CCNYL1: variants seen among roughly 807,000 people sequenced by gnomAD.
CCNYL1 encodes the protein cyclin-Y-like protein 1.
In CCNYL1, 16 loss-of-function variants were observed where a neutral mutation model predicts 44.2. The observed-to-expected ratio is 0.36, with a 90% confidence interval of 0.25 to 0.55. The LOEUF (loss-of-function observed/expected upper bound fraction) is 0.55. CCNYL1 is among the 20% of genes least tolerant of loss of function. The probability of loss-of-function intolerance (pLI) is 0.85; values close to 1 mark genes in which losing one functional copy is unlikely to be tolerated. For synonymous variants in CCNYL1, 159 were observed against 163.2 expected (o/e 0.97, Z 0.20); for missense variants, 348 against 451.8 (o/e 0.77, Z 2.08).
At chr2:207,749,807 C>T (rs1446542009) in intron 8 of CCNYL1, among the ~76,000 whole-genome samples, 1 of 152,210 alleles carries the variant, frequency 6.6e-6, no homozygotes, top group Non-Finnish European at 1.5e-5. Context: ...GAGAAAACCA[C>T]ATCTCTGCTC....
chr2:207,753,843 GATTATACTCC>G lies in CCNYL1; in HGVS notation c.*147_*156del. On this transcript the variant is annotated 3_prime_UTR_variant, in exon 10 of 10. Transcript: ENST00000295414. Reference sequence around the variant, plus strand: ...ATTCAAGAGACTCATGGACAACAAGGATTATACTCCACAGGAAAGAATGGGACCTTGTCAA... The same window carrying G: ...ATTCAAGAGACTCATGGACAACAAGGACAGGAAAGAATGGGACCTTGTCAA... 3.5e-6 allele frequency: 2 copies of G among 569,082 alleles called. No homozygotes were observed. Among genetic ancestry groups the G allele is most frequent in the Non-Finnish European group, 6.3e-6 (2 of 318,992 alleles). 35.3% of individuals were successfully genotyped at this position (569,082 alleles called of 1,614,324 possible).
chr2:207,743,220 C>T (rs772062953), intron 7 of CCNYL1, among the ~76,000 whole-genome samples: 2 of 152,194 alleles, frequency 1.3e-5, no homozygotes, highest in Non-Finnish European at 2.9e-5. Context: ...TTAGCACATA[C>T]TGTAGAGAAG....
At chr2:207,751,873 T>TAC (rs1252503223) in intron 9 of CCNYL1, among the ~76,000 whole-genome samples, 1 of 141,126 alleles carries the variant, frequency 7.1e-6, no homozygotes, top group Non-Finnish European at 1.5e-5. Context: ...AAAAAAAAAG[T>TAC]ACACACACAC....
Position 207,751,125 on chromosome 2 carries a change from G to A in CCNYL1, c.969+6G>A, listed in dbSNP as rs762936127. On this transcript the variant is annotated splice_donor_region_variant and intron_variant, in intron 9 of 9. Transcript: ENST00000295414. ...AAAGAGCACAGAACCTAGAGGTAAG[G>A]CTATGAAGTCACTAAGTGAGGTTTT... is the stretch of plus-strand genomic sequence containing the variant. 6.2e-7 allele frequency: 1 copy of A among 1,610,298 alleles called. No individual in the cohort carries two copies. The highest frequency in any genetic ancestry group is 1.1e-5 in the South Asian group (1 of 90,226).
intron 1 of CCNYL1, 64 bp downstream of exon 1, chr2:207,712,180 C>T (rs376226089): frequency 2.1e-6 from 3 of 1,406,894 alleles, no homozygotes; most frequent in African/African-American, 1.5e-5. Context: ...CCCCCAGAGT[C>T]CCCCGGGAGG....
intron 2 of CCNYL1, among the ~76,000 whole-genome samples, chr2:207,725,422 T>C (rs2091672963): frequency 6.6e-6 from 1 of 152,154 alleles, no homozygotes; most frequent in South Asian, 2.1e-4. Flanking sequence ...ATCTGGCCAG[T>C]ATCATGGATT....
chr2:207,738,593 A>T (rs946530604), intron 5 of CCNYL1, among the ~76,000 whole-genome samples: 3 of 152,240 alleles, frequency 2.0e-5, no homozygotes, highest in African/African-American at 7.2e-5. Context: ...ATTTTGTGTT[A>T]TCAATGAATT....
At chr2:207,721,887 TAGAGTAC>T (rs1455543239) in intron 1 of CCNYL1, among the ~76,000 whole-genome samples, 1 of 151,966 alleles carries the variant, frequency 6.6e-6, no homozygotes, top group Non-Finnish European at 1.5e-5. Context: ...CTAGCAGTGC[TAGAGTAC>T]AGCCCTGCCT....
At chr2:207,731,077 C>T (rs2091722584) in intron 3 of CCNYL1, among the ~76,000 whole-genome samples, 1 of 152,138 alleles carries the variant, frequency 6.6e-6, no homozygotes, top group Non-Finnish European at 1.5e-5. Flanking sequence ...AACTCTGCAT[C>T]CTGCTATATT....
intron 1 of CCNYL1, chr2:207,714,349 G>A: frequency 8.0e-6 from 3 of 375,656 alleles, no homozygotes; most frequent in Non-Finnish European, 1.5e-5. Context: ...AAGAGAAAGA[G>A]TCTCACTGTG....
intron 3 of CCNYL1, among the ~76,000 whole-genome samples, chr2:207,732,416 T>A (rs932884717): frequency 2.4e-4 from 37 of 152,184 alleles, no homozygotes; most frequent in Non-Finnish European, 8.8e-5. Context: ...TTACACTGTA[T>A]GGATATTTCT....
chr2:207,714,073 A>T (rs977652337), intron 1 of CCNYL1, among the ~76,000 whole-genome samples: 1 of 152,162 alleles, frequency 6.6e-6, no homozygotes, highest in African/African-American at 2.4e-5. Context: ...TGAAGAAATA[A>T]AGAGTTAGGT....
At chr2:207,749,070 A>AT (rs1161340879) in intron 8 of CCNYL1, among the ~76,000 whole-genome samples, 3 of 152,226 alleles carry the variant, frequency 2.0e-5, no homozygotes, top group Non-Finnish European at 4.4e-5. Context: ...AAGATACAGT[A>AT]TCAGAGAACC....
rs1421977498 is a variant in CCNYL1, at chr2:207,751,016, G to A, written c.866G>A (p.Ser289Asn). 4 of 1,614,056 alleles carry A rather than the reference G, an allele frequency of 2.5e-6. No individual in the cohort carries two copies. Among genetic ancestry groups the A allele is most frequent in the Admixed American group, 1.7e-5 (1 of 60,016 alleles). ...CAGTTTAATATTAATGTTCCTGCCAGTGTTTATGCCAAATACTACTTTGAC... is the reference window on the plus strand; with the variant it reads ...CAGTTTAATATTAATGTTCCTGCCAATGTTTATGCCAAATACTACTTTGAC... ...LLQFNINVPA[S>N]VYAKYYFDLR... Residue 289 changes from serine (S) to asparagine (N), a missense_variant, in exon 9 of 10, where the codon AGT (serine) becomes AAT (asparagine). By Grantham distance (46) the Ser-to-Asn change is conservative (BLOSUM62 1). Transcript: ENST00000295414.
intron 9 of CCNYL1, among the ~76,000 whole-genome samples, chr2:207,751,489 G>A (rs1293013327): frequency 6.6e-6 from 1 of 152,142 alleles, no homozygotes; most frequent in African/African-American, 2.4e-5. Flanking sequence ...GGAGGCTGAG[G>A]TGGGCAGATC....
intron 3 of CCNYL1, among the ~76,000 whole-genome samples, chr2:207,732,636 T>TA (rs893564398): frequency 3.1e-3 from 464 of 151,378 alleles, no homozygotes; most frequent in African/African-American, 0.011. Context: ...TCTGTGGTTT[T>TA]AAAAAAAAAT....
At chr2:207,716,460 T>A (rs2091596350) in intron 1 of CCNYL1, among the ~76,000 whole-genome samples, 1 of 151,908 alleles carries the variant, frequency 6.6e-6, no homozygotes, top group Admixed American at 6.6e-5. Flanking sequence ...AAAAATGAGA[T>A]CATTCTATAT....
intron 3 of CCNYL1, among the ~76,000 whole-genome samples, chr2:207,730,406 G>T (rs1297466346): frequency 2.0e-5 from 3 of 152,120 alleles, no homozygotes; most frequent in Non-Finnish European, 4.4e-5. Context: ...CACTAAAGTT[G>T]TGCTTCCATA....
intron 8 of CCNYL1, among the ~76,000 whole-genome samples, 154 bp downstream of exon 8, chr2:207,747,367 C>T (rs901822031): frequency 2.0e-5 from 3 of 150,886 alleles, no homozygotes; most frequent in Admixed American, 6.6e-5. Context: ...TATAACAGTT[C>T]ACAATAGAGC....
Sources: gnomAD v4.1 joint callset for allele counts (sites outside exome capture counted in the v4.1 genomes callset) on GRCh38, gnomAD v4.1.1 for gene constraint, MANE v1.5 for transcripts, NCBI Gene and HGNC (gene_info 2026-07-23, HGNC 2026-07-21) for gene names.